Variants in FAM131A observed in about 807,000 individuals in gnomAD.
FAM131A encodes the protein family with sequence similarity 131 member A, also known as protein FAM131A.
FAM131A carries 24 observed loss-of-function variants against 39.2 expected under a neutral mutation model. The observed-to-expected ratio is 0.61, with a 90% CI of 0.44 to 0.86. The LOEUF (loss-of-function observed/expected upper bound fraction) is 0.86, where lower values mean the gene tolerates loss of function less well. FAM131A is among the 40% of genes least tolerant of loss of function. FAM131A has a pLI of 0.00. For synonymous variants in FAM131A, 202 were observed against 206.8 expected (o/e 0.98, Z 0.20); for missense variants, 373 against 481.2 (o/e 0.78, Z 2.10).
chr3:184,341,279 G>A (rs925562366), intron 2 of FAM131A: 1 of 218,162 alleles, frequency 4.6e-6, no homozygotes, highest in Admixed American at 5.3e-5. Context: ...GAGAAGGTGT[G>A]GGGGTTTGGT....
Position 184,342,727 on chromosome 3 carries a change from T to C in FAM131A, c.509-17T>C. On this transcript the variant is annotated splice_polypyrimidine_tract_variant and intron_variant, in intron 4 of 5. Transcript: ENST00000383847. This position sits in a 1 kb window ranked among gnomAD's most constrained non-coding sequence, Gnocchi z 4.6. Reference sequence around the variant, plus strand: ...TTAGCTCACCTTCTCTGCTTATGCATTCTGTCCCTGCGACAGGAGTGGCTG... The same window carrying C: ...TTAGCTCACCTTCTCTGCTTATGCACTCTGTCCCTGCGACAGGAGTGGCTG... 1 of 1,607,980 alleles carries C rather than the reference T, an allele frequency of 6.2e-7. No homozygotes were observed. The highest frequency in any genetic ancestry group is 8.5e-7 in the Non-Finnish European group (1 of 1,175,202).
chr3:184,338,451 T>A lies in FAM131A; in HGVS notation c.153T>A (p.Ser51=). The change falls in exon 2 of 6, where the codon TCT becomes TCA. Residue 51 remains serine (S), a synonymous_variant. Transcript: ENST00000383847. The stretch of plus-strand genomic sequence containing the variant: ...TTCCTCGGGGTCTCTCTCTATCCTC[T>A]TTGGGATCTGCTCGAACCCTCCGAG... The part of the protein sequence containing the change: ...IELPRGLSLS[S]LGSARTLRGW... The A allele has an allele frequency of 6.5e-7, 1 of 1,527,828 alleles. No individual in the cohort carries two copies. Among genetic ancestry groups the A allele is most frequent in the African/African-American group, 1.4e-5 (1 of 72,682 alleles). 94.6% of individuals were successfully genotyped at this position (1,527,828 alleles called of 1,614,324 possible). A position where few individuals can be genotyped will look rare whatever the true frequency, so the allele number is the denominator to read the frequency against.
chr3:184,344,291 G>A (rs953270695), intron 5 of FAM131A, among the ~76,000 whole-genome samples: 3 of 152,076 alleles, frequency 2.0e-5, no homozygotes, highest in African/African-American at 4.8e-5. Flanking sequence ...ACCTGTGTGC[G>A]AGACTCTTGT....
At chr3:184,336,737 C>T (rs1029879246), upstream of FAM131A, among the ~76,000 whole-genome samples, 1 of 152,196 alleles carries the variant, frequency 6.6e-6, no homozygotes, top group African/African-American at 2.4e-5. The surrounding 1 kb of genome is among the most constrained non-coding windows in gnomAD (Gnocchi z 5.5). Context: ...TTTTAATGTC[C>T]TGCCCCCACT....
At chr3:184,338,214 AG>A (rs1187663132) in intron 1 of FAM131A, among the ~76,000 whole-genome samples, 172 bp from the exon 2 acceptor site, 10 of 149,200 alleles carry the variant, frequency 6.7e-5, no homozygotes, top group Non-Finnish European at 1.2e-4. Context: ...CAGGGGCCCG[AG>A]GGTCAGTGAT....
At position 184,342,964 on chromosome 3, in the gene FAM131A, A is replaced by G. The variant is rs1727451931; in HGVS notation, c.625+104A>G. 2 of 997,706 alleles carry G rather than the reference A, an allele frequency of 2.0e-6. No homozygotes were observed. The highest frequency in any genetic ancestry group is 3.1e-6 in the Non-Finnish European group (2 of 641,136). 61.8% of individuals were successfully genotyped at this position (997,706 alleles called of 1,614,324 possible). Reference sequence around the variant, plus strand: ...ACTCTCAGCCTTTGCAAGGGGAGGGAGAGGGACAGACTCAGTCCAGGCAGG... The same window carrying G: ...ACTCTCAGCCTTTGCAAGGGGAGGGGGAGGGACAGACTCAGTCCAGGCAGG... On this transcript the variant is annotated intron_variant, in intron 5 of 5. Coordinates refer to ENST00000383847, the MANE Select transcript of FAM131A (RefSeq NM_144635.5). The surrounding 1 kb of genome is among the most constrained non-coding windows in gnomAD (Gnocchi z 4.6).
Position 184,344,803 on chromosome 3 carries a change from G to A in FAM131A, c.934G>A (p.Glu312Lys). 6.2e-7 allele frequency: 1 copy of A among 1,612,374 alleles called. No homozygotes were observed. The highest frequency in any genetic ancestry group is 8.5e-7 in the Non-Finnish European group (1 of 1,179,924). ...CTCACTCTACAACTCGCCCCTCACA[G>A]AGTCCTGCCTTTCCCCCGCGGAGGA... Reference protein sequence around the residue: ...QDSLYNSPLTESCLSPAEEEP... With the variant: ...QDSLYNSPLTKSCLSPAEEEP... The change falls in exon 6 of 6, where the codon GAG becomes AAG. Residue 312 changes from glutamate to lysine, a missense_variant. Around this residue, in one of 2 missense-constraint regions of FAM131A, gnomAD observed 152 missense variants for 133.5 expected, o/e 1.14. Transcript: ENST00000383847.
At chr3:184,341,630 T>A in intron 2 of FAM131A, 94 bp from the exon 3 acceptor site, 1 of 987,948 alleles carries the variant, frequency 1.0e-6, no homozygotes, top group Non-Finnish European at 1.5e-6. Context: ...TCCTAGCTCC[T>A]GTCTCCTCCT....
At chr3:184,336,560 C>T (rs531879720), upstream of FAM131A, among the ~76,000 whole-genome samples, 375 of 152,282 alleles carry the variant, frequency 2.5e-3, 1 homozygote, top group African/African-American at 6.3e-3. This position sits in a 1 kb window ranked among gnomAD's most constrained non-coding sequence, Gnocchi z 5.5. Context: ...TTCTCCCAGC[C>T]GTGTCCCCAT....
chr3:184,338,569 C>A, intron 2 of FAM131A, 40 bp downstream of exon 2: 2 of 1,532,766 alleles, frequency 1.3e-6, no homozygotes, highest in Non-Finnish European at 8.7e-7. Flanking sequence ...AGGACGTCAT[C>A]CATATAAAGG....
chr3:184,338,379 C>T lies in FAM131A; in HGVS notation c.89-8C>T. The T allele has an allele frequency of 2.1e-6, 3 of 1,432,992 alleles. No homozygotes were observed. The highest frequency in any genetic ancestry group is 2.7e-6 in the Non-Finnish European group (3 of 1,096,264). 88.8% of individuals were successfully genotyped at this position (1,432,992 alleles called of 1,614,324 possible). A position where few individuals can be genotyped will look rare whatever the true frequency, so the allele number is the denominator to read the frequency against. ...GCACAGCTCAACAGCCTTTCCCCTT[C>T]CTCTCAGTGTCCTCGGACCCCGCTT... On this transcript the variant is annotated splice_region_variant and splice_polypyrimidine_tract_variant and intron_variant, in intron 1 of 5. Coordinates refer to ENST00000383847, the MANE Select transcript of FAM131A (RefSeq NM_144635.5).
chr3:184,341,633 C>T, intron 2 of FAM131A, 91 bp from the exon 3 acceptor site: 1 of 1,027,630 alleles, frequency 9.7e-7, no homozygotes, highest in Admixed American at 2.0e-5. Context: ...TAGCTCCTGT[C>T]TCCTCCTCAT....
intron 5 of FAM131A, among the ~76,000 whole-genome samples, chr3:184,344,077 C>G (rs1051092675): frequency 6.6e-6 from 1 of 152,178 alleles, no homozygotes; most frequent in Non-Finnish European, 1.5e-5. Context: ...CCTCCGCCTC[C>G]CAGGTTCAAG....
rs1181373176 is a variant in FAM131A, at chr3:184,342,322, TTTTGAGACGGAGTCTCAC to T, written c.508+76_508+93del. 1 of 1,475,852 alleles carries T rather than the reference TTTTGAGACGGAGTCTCAC, an allele frequency of 6.8e-7. No homozygotes were observed. The highest frequency in any genetic ancestry group is 8.9e-7 in the Non-Finnish European group (1 of 1,117,666). The allele number at this position is 1,475,852 out of a possible 1,614,324, so 91.4% of individuals were successfully genotyped here. A position where few individuals can be genotyped will look rare whatever the true frequency, so the allele number is the denominator to read the frequency against. On this transcript the variant is annotated intron_variant, in intron 4 of 5. Coordinates refer to ENST00000383847, the MANE Select transcript of FAM131A (RefSeq NM_144635.5). This position sits in a 1 kb window ranked among gnomAD's most constrained non-coding sequence, Gnocchi z 4.6. ...TCTTTCTTTATTTTATTTAATTTTT[TTTTGAGACGGAGTCTCAC>T]TCTGTCGCCCAGGCTGGAGTGCAGT...
chr3:184,338,696 C>G, intron 2 of FAM131A, 167 bp downstream of exon 2: 4 of 810,380 alleles, frequency 4.9e-6, no homozygotes, highest in Non-Finnish European at 7.4e-6. Context: ...CTGCTCTGCT[C>G]GGCGCTGTGC....
rs774098952 is a variant in FAM131A, at chr3:184,341,767, G to A, written c.275G>A (p.Arg92Gln). The A allele has an allele frequency of 1.9e-6, 3 of 1,612,998 alleles. No individual in the cohort carries two copies. The highest frequency in any genetic ancestry group is 2.5e-6 in the Non-Finnish European group (3 of 1,180,012). Residue 92 changes from arginine to glutamine, a missense_variant, in exon 3 of 6, where the codon CGA becomes CAA. Around this residue, in one of 2 missense-constraint regions of FAM131A, gnomAD observed 221 missense variants for 347.7 expected, o/e 0.64. Coordinates refer to ENST00000383847, the MANE Select transcript of FAM131A (RefSeq NM_144635.5). ...GTCGCGATGCTGCCCAAGTCCCGGC[G>A]AGCCCTAACTATCCAGGAGATCGCT... is the stretch of plus-strand genomic sequence containing the variant. ...DTVAMLPKSR[R>Q]ALTIQEIAAL...
At position 184,344,587 on chromosome 3, in the gene FAM131A, C is replaced by A; in HGVS notation, c.718C>A (p.Pro240Thr). The A allele has an allele frequency of 6.2e-7, 1 of 1,611,894 alleles. No individual in the cohort carries two copies. The highest frequency in any genetic ancestry group is 8.5e-7 in the Non-Finnish European group (1 of 1,179,032). ...GCCTGTGCGCCAGGGCTCCGTGGAG[C>A]CTGAGAGCGACTGCTCACAGACCGT... ...SRPVRQGSVE[P>T]ESDCSQTVSP... is the part of the protein sequence containing the mutation. The change falls in exon 6 of 6, where the codon CCT becomes ACT. Residue 240 changes from proline to threonine, a missense_variant. By Grantham distance (38) the Pro-to-Thr change is conservative. This residue lies in a region of FAM131A where 221 missense variants were observed against 347.7 expected (regional missense o/e 0.64). Transcript: ENST00000383847.
In FAM131A at chr3:184,345,191, G is replaced by A. The variant is rs1727583815; in HGVS notation, c.*221G>A. 1.7e-6 allele frequency: 1 copy of A among 584,694 alleles called. No homozygotes were observed. Among genetic ancestry groups the A allele is most frequent in the Admixed American group, 3.4e-5 (1 of 29,480 alleles). 36.2% of individuals were successfully genotyped at this position (584,694 alleles called of 1,614,324 possible). ...CTGCCCCCACTCCCGGGGCTTGCCGGGGGTTGCCCGGGGCCTCTGGGGCAT... is the reference window on the plus strand; with the variant it reads ...CTGCCCCCACTCCCGGGGCTTGCCGAGGGTTGCCCGGGGCCTCTGGGGCAT... On this transcript the variant is annotated 3_prime_UTR_variant, in exon 6 of 6. Transcript: ENST00000383847.
rs1227460380 is a variant in FAM131A, at chr3:184,345,268, A to G, written c.*298A>G. ...TTCATGTTCTTAAAATGCCACACAC[A>G]CATTTCCTCCTCGGATAATGTGAAC... On this transcript the variant is annotated 3_prime_UTR_variant, in exon 6 of 6. Transcript: ENST00000383847. 8.8e-6 allele frequency: 5 copies of G among 565,924 alleles called. No homozygotes were observed. The highest frequency in any genetic ancestry group is 7.7e-5 in the African/African-American group (4 of 51,720). 35.1% of individuals were successfully genotyped at this position (565,924 alleles called of 1,614,324 possible). A position where few individuals can be genotyped will look rare whatever the true frequency, so the allele number is the denominator to read the frequency against.
Sources: gnomAD v4.1 joint callset for allele counts (sites outside exome capture counted in the v4.1 genomes callset) on GRCh38, gnomAD v4.1.1 for gene constraint, gnomAD v4.1.1 regional missense constraint, Gnocchi (gnomAD v3.1) non-coding constraint, MANE v1.5 for transcripts, NCBI Gene and HGNC (gene_info 2026-07-23, HGNC 2026-07-21) for gene names.